Variants in SDK1 observed in about 807,000 individuals in gnomAD.
The protein encoded by SDK1 is sidekick cell adhesion molecule 1, also known as protein sidekick-1.
Under a neutral mutation model 245.5 loss-of-function variants are expected in SDK1, and 157 were observed. That is an observed-to-expected ratio of 0.64 (90% CI 0.56 to 0.73). SDK1 has a LOEUF of 0.73. SDK1 is among the 30% of genes least tolerant of loss of function. The pLI, the probability that SDK1 is intolerant of heterozygous loss-of-function variation, is 0.00. For synonymous variants in SDK1, 1,647 were observed against 1,278.5 expected (o/e 1.29, Z -6.15); for missense variants, 3,583 against 3,002.3 (o/e 1.19, Z -4.52).
intron 1 of SDK1, among the ~76,000 whole-genome samples, chr7:3,536,177 C>A (rs1271667949): frequency 6.6e-6 from 1 of 151,672 alleles, no homozygotes; most frequent in Non-Finnish European, 1.5e-5. Flanking sequence ...CAGCCTGAGC[C>A]TCCCAAGTAG....
At chr7:3,652,514 G>T (rs1044855788) in intron 4 of SDK1, among the ~76,000 whole-genome samples, 1 of 152,216 alleles carries the variant, frequency 6.6e-6, no homozygotes, top group East Asian at 1.9e-4. Flanking sequence ...TTTGGTAAAC[G>T]TGCTTGTGGA....
At chr7:3,660,977 AG>A (rs1472432632) in intron 4 of SDK1, among the ~76,000 whole-genome samples, 1 of 152,168 alleles carries the variant, frequency 6.6e-6, no homozygotes, top group African/African-American at 2.4e-5. Context: ...AGCAATTTTG[AG>A]AATTACCTCT....
In SDK1 at chr7:3,698,377, G is replaced by A. The variant is rs530372869; in HGVS notation, c.713+56272G>A. Reference sequence around the variant, plus strand: ...CACGGTATTGGAGAGAGCACCTGAGGCGCCTGAACTTCCACCTTACCTGGT... The same window carrying A: ...CACGGTATTGGAGAGAGCACCTGAGACGCCTGAACTTCCACCTTACCTGGT... On this transcript the variant is annotated intron_variant, in intron 4 of 44. Transcript: ENST00000404826. 2.6e-5 allele frequency among the ~76,000 whole-genome samples: 4 copies of A among 152,232 alleles called. No individual in the cohort carries two copies. The South Asian group carries it at 8.3e-4, about 32-fold the overall frequency.
At chr7:3,337,739 A>G (rs968963507) in intron 1 of SDK1, 2 of 152,252 alleles carry the variant, frequency 1.3e-5, no homozygotes, top group African/African-American at 4.8e-5. Context: ...AAGCAGCACA[A>G]CATTTTTCAA....
At chr7:3,967,785 G>C (rs938099346) in intron 10 of SDK1, among the ~76,000 whole-genome samples, 1 of 152,180 alleles carries the variant, frequency 6.6e-6, no homozygotes, top group Admixed American at 6.5e-5. Flanking sequence ...GCTGACAGGA[G>C]GGGGAGCTCA....
In SDK1 at chr7:3,559,634, A is replaced by C. The variant is rs537751650; in HGVS notation, c.299-59446A>C. Reference sequence around the variant, plus strand: ...CTTTATCTGCCTGCAGCCCTGTTTTAACAGTAGTGTTGACACAACTCACCT... The same window carrying C: ...CTTTATCTGCCTGCAGCCCTGTTTTCACAGTAGTGTTGACACAACTCACCT... On this transcript the variant is annotated intron_variant, in intron 1 of 44. Transcript: ENST00000404826. Among the ~76,000 whole-genome samples the C allele has an allele frequency of 2.6e-5, 4 of 152,210 alleles. No homozygotes were observed. In the South Asian group the frequency reaches 8.3e-4, roughly 32 times the overall value.
At chr7:3,475,950 A>G (rs1317081564) in intron 1 of SDK1, 1 of 152,658 alleles carries the variant, frequency 6.6e-6, no homozygotes, top group African/African-American at 2.4e-5. Context: ...AGCATTTAGT[A>G]GCTTTAATTT....
chr7:3,951,726 A>C lies in SDK1; in HGVS notation c.960-4A>C. ...GTCGTCATGAATGCCTTTCATTCCC[A>C]CAGGCCTGTGGAGGACCTGAGTGTG... On this transcript the variant is annotated splice_region_variant and splice_polypyrimidine_tract_variant and intron_variant, in intron 6 of 44. Transcript: ENST00000404826. 1 of 1,612,408 alleles carries C rather than the reference A, an allele frequency of 6.2e-7. No individual in the cohort carries two copies. The highest frequency in any genetic ancestry group is 1.1e-5 in the South Asian group (1 of 91,064).
At chr7:3,473,794 G>C (rs116747441) in intron 1 of SDK1, among the ~76,000 whole-genome samples, 1 of 152,094 alleles carries the variant, frequency 6.6e-6, no homozygotes, top group Non-Finnish European at 1.5e-5. Flanking sequence ...TTCAGGGAGT[G>C]TGATGAACAT....
chr7:3,630,458 C>A (rs1426344916), intron 2 of SDK1, among the ~76,000 whole-genome samples: 1 of 152,106 alleles, frequency 6.6e-6, no homozygotes, highest in East Asian at 1.9e-4. Context: ...GCAAACAAAT[C>A]TGAAAATTAC....
chr7:3,883,181 C>G (rs960162699), intron 5 of SDK1, among the ~76,000 whole-genome samples: 3 of 152,146 alleles, frequency 2.0e-5, no homozygotes, highest in Non-Finnish European at 4.4e-5. Context: ...TGGGCAGGAC[C>G]CCACACACAC....
At chr7:3,550,779 T>G (rs189547998) in intron 1 of SDK1, among the ~76,000 whole-genome samples, 1 of 152,352 alleles carries the variant, frequency 6.6e-6, no homozygotes, top group Non-Finnish European at 1.5e-5. Context: ...AAAGATTTCT[T>G]TTAAGAACTC....
At chr7:3,513,959 G>A (rs908623905) in intron 1 of SDK1, among the ~76,000 whole-genome samples, 3 of 152,218 alleles carry the variant, frequency 2.0e-5, no homozygotes, top group Admixed American at 6.5e-5. Context: ...CAAAAGACAA[G>A]ATTTTATTCT....
rs550806235 is a variant in SDK1, at chr7:4,077,711, C to T, written c.3202+522C>T. Among the ~76,000 whole-genome samples the T allele has an allele frequency of 3.9e-5, 6 of 152,144 alleles. 1 individual carries two copies. Among genetic ancestry groups the T allele is most frequent in the Non-Finnish European group, 8.8e-5 (6 of 68,016 alleles). Reference sequence around the variant, plus strand: ...GAGAGAGCCCGTGCAAGGAAACTCCCGTTTTTAAAACCCATAGATCTTGTG... The same window carrying T: ...GAGAGAGCCCGTGCAAGGAAACTCCTGTTTTTAAAACCCATAGATCTTGTG... On this transcript the variant is annotated intron_variant, in intron 21 of 44. Transcript: ENST00000404826.
intron 20 of SDK1, among the ~76,000 whole-genome samples, chr7:4,073,608 G>C (rs1780410927): frequency 1.3e-5 from 2 of 152,170 alleles, no homozygotes; most frequent in South Asian, 4.1e-4. Flanking sequence ...ATTAAACAAA[G>C]TCTGCTCTTC....
chr7:4,221,047 G>T (rs1423301337), intron 39 of SDK1, among the ~76,000 whole-genome samples, 192 bp from the exon 40 acceptor site: 1 of 152,104 alleles, frequency 6.6e-6, no homozygotes, highest in Non-Finnish European at 1.5e-5. Flanking sequence ...GTGGCTTTCA[G>T]GCGTGAGCCA....
intron 1 of SDK1, among the ~76,000 whole-genome samples, chr7:3,501,028 GTT>G (rs1400736008): frequency 6.6e-6 from 1 of 151,824 alleles, no homozygotes; most frequent in African/African-American, 2.4e-5. Flanking sequence ...CTTTATTACT[GTT>G]TTGATTTCTA....
At chr7:3,729,449 C>G (rs1246183254) in intron 4 of SDK1, among the ~76,000 whole-genome samples, 1 of 152,216 alleles carries the variant, frequency 6.6e-6, no homozygotes, top group Non-Finnish European at 1.5e-5. Flanking sequence ...GTTGTCACAA[C>G]TGGGTGGGGG....
At chr7:3,562,803 A>G (rs750970608) in intron 1 of SDK1, among the ~76,000 whole-genome samples, 1 of 152,184 alleles carries the variant, frequency 6.6e-6, no homozygotes, top group African/African-American at 2.4e-5. Flanking sequence ...TATAAGAAGT[A>G]TCTTCAGCTA....
Sources: gnomAD v4.1 joint callset for allele counts (sites outside exome capture counted in the v4.1 genomes callset) on GRCh38, gnomAD v4.1.1 for gene constraint, MANE v1.5 for transcripts, NCBI Gene and HGNC (gene_info 2026-07-23, HGNC 2026-07-21) for gene names.